NAALADL1: variants seen among roughly 807,000 people sequenced by gnomAD.
NAALADL1 encodes the protein aminopeptidase NAALADL1.
In NAALADL1, 77 loss-of-function variants were observed where a neutral mutation model predicts 82.8. The observed-to-expected ratio is 0.93, with a 90% confidence interval of 0.77 to 1.12. NAALADL1 has a LOEUF of 1.12. Ranked by LOEUF, NAALADL1 falls within the 50% of genes most tolerant of loss-of-function variation. The pLI is 0.00. For missense variants in NAALADL1, 956 were observed against 964.0 expected (o/e 0.99, Z 0.11); for synonymous variants, 358 against 399.2 (o/e 0.90, Z 1.23).
chr11:65,047,428 C>T (rs1259623782), intron 13 of NAALADL1, 47 bp downstream of exon 13: 2 of 1,478,768 alleles, frequency 1.4e-6, no homozygotes, highest in Non-Finnish European at 1.8e-6. Flanking sequence ...GAGGAGGGGG[C>T]GCATGCAGCA....
intron 4 of NAALADL1, among the ~76,000 whole-genome samples, chr11:65,055,666 G>C (rs2137026759): frequency 6.6e-6 from 1 of 152,234 alleles, no homozygotes; most frequent in Admixed American, 6.5e-5. Flanking sequence ...ATAGGGGCTG[G>C]GGCAGGGACC....
rs751202838 is a variant in NAALADL1 at position 65,054,860 on chromosome 11, G to A, written c.604-122C>T. On this transcript the variant is annotated intron_variant, in intron 4 of 17. Coordinates refer to ENST00000358658, the MANE Select transcript of NAALADL1 (RefSeq NM_005468.3). This position sits in a 1 kb window ranked among gnomAD's most constrained non-coding sequence, Gnocchi z 4.3. ...ACCAATCTTCCATGGGCAAGATGAC[G>A]TTTGCACAAGTCATTTATGGCAGTG... The A allele has an allele frequency of 1.2e-5, 15 of 1,278,988 alleles. No homozygotes were observed. The highest frequency in any genetic ancestry group is 5.2e-5 in the Admixed American group (2 of 38,728). The allele number at this position is 1,278,988 out of a possible 1,614,324, so 79.2% of individuals were successfully genotyped here.
chr11:65,048,058 G>A lies in NAALADL1; in HGVS notation c.1349-10C>T, dbSNP rs754363876. 1 of 1,613,904 alleles carries A rather than the reference G, an allele frequency of 6.2e-7. No homozygotes were observed. Among genetic ancestry groups the A allele is most frequent in the Non-Finnish European group, 8.5e-7 (1 of 1,179,950 alleles). On this transcript the variant is annotated splice_polypyrimidine_tract_variant and intron_variant, in intron 10 of 17. Transcript: ENST00000358658. ...CTAAGGGTAGCGTTGGCTGTGGGAG[G>A]AGGGGAGAAAGACTATTTGGGCCCC...
chr11:65,053,306 G>A lies in NAALADL1; in HGVS notation c.1110C>T (p.Asp370=). 2 of 1,563,154 alleles carry A rather than the reference G, an allele frequency of 1.3e-6. No individual in the cohort carries two copies. Among genetic ancestry groups the A allele is most frequent in the Non-Finnish European group, 1.7e-6 (2 of 1,154,080 alleles). The change falls in exon 8 of 18, where the codon GAC becomes GAT. Residue 370 remains aspartate, a synonymous_variant. Coordinates refer to ENST00000358658, the MANE Select transcript of NAALADL1 (RefSeq NM_005468.3). This position sits in a 1 kb window ranked among gnomAD's most constrained non-coding sequence, Gnocchi z 4.3. ...GGTCCACAGCCCCGTGCACCCAGCT[G>A]TCTCGGTGGTTCCCATACAGCACGT... is the stretch of plus-strand genomic sequence containing the variant. ...DRYVLYGNHR[D]SWVHGAVDPS...
At chr11:65,047,938 C>A in intron 11 of NAALADL1, 43 bp downstream of exon 11, 2 of 1,542,826 alleles carry the variant, frequency 1.3e-6, no homozygotes, top group South Asian at 2.4e-5. Context: ...CGCACGCGGC[C>A]CGCCCCAGCT....
At chr11:65,046,420 G>A (rs1946730945) in intron 14 of NAALADL1, 25 bp downstream of exon 14, 3 of 1,614,080 alleles carry the variant, frequency 1.9e-6, no homozygotes, top group African/African-American at 2.7e-5. Flanking sequence ...CCTGGTCTCA[G>A]GATGCCCCTT....
chr11:65,052,563 C>T (rs537965808), intron 8 of NAALADL1, among the ~76,000 whole-genome samples: 11 of 152,158 alleles, frequency 7.2e-5, no homozygotes. Context: ...CTGCCTGCCT[C>T]GGCCTCCCAG....
chr11:65,058,287 C>T, intron 1 of NAALADL1, 37 bp from the exon 2 acceptor site: 1 of 1,613,832 alleles, frequency 6.2e-7, no homozygotes, highest in Non-Finnish European at 8.5e-7. Flanking sequence ...GGGCCAGCAT[C>T]AGGGAGGGGG....
chr11:65,053,392 G>C lies in NAALADL1; in HGVS notation c.1079-55C>G. 1 of 1,611,996 alleles carries C rather than the reference G, an allele frequency of 6.2e-7. No individual in the cohort carries two copies. The highest frequency in any genetic ancestry group is 2.2e-5 in the East Asian group (1 of 44,832). Reference sequence around the variant, plus strand: ...GAGGAGAGGGAGAGGTGGGCAGGGGGAGCTGGGCTGGGTGGTGGCAAGGGC... The same window carrying C: ...GAGGAGAGGGAGAGGTGGGCAGGGGCAGCTGGGCTGGGTGGTGGCAAGGGC... On this transcript the variant is annotated intron_variant, in intron 7 of 17. Transcript: ENST00000358658. This position sits in a 1 kb window ranked among gnomAD's most constrained non-coding sequence, Gnocchi z 4.3.
intron 13 of NAALADL1, 133 bp downstream of exon 13, chr11:65,047,339 GTTT>G: frequency 1.5e-6 from 1 of 657,456 alleles, no homozygotes; most frequent in Non-Finnish European, 2.5e-6. Flanking sequence ...GTGTGTGTGT[GTTT>G]TTTTTTAAGA....
At chr11:65,055,641 G>A (rs1179403434) in intron 4 of NAALADL1, among the ~76,000 whole-genome samples, 5 of 152,144 alleles carry the variant, frequency 3.3e-5, no homozygotes, top group Non-Finnish European at 5.9e-5. Context: ...TAGAATTGAG[G>A]TTACAGAAAA....
intron 8 of NAALADL1, among the ~76,000 whole-genome samples, chr11:65,049,008 A>C (rs1946816206): frequency 6.6e-6 from 1 of 152,090 alleles, no homozygotes; most frequent in South Asian, 2.1e-4. Flanking sequence ...GGTTGCAGTG[A>C]GCTGAGATCG....
Position 65,054,309 on chromosome 11 carries a change from C to G in NAALADL1, c.933G>C (p.Leu311=). 1 of 1,614,092 alleles carries G rather than the reference C, an allele frequency of 6.2e-7. No homozygotes were observed. Among genetic ancestry groups the G allele is most frequent in the Non-Finnish European group, 8.5e-7 (1 of 1,180,004 alleles). The change falls in exon 6 of 18, where the codon CTG becomes CTC. Residue 311 remains leucine, a synonymous_variant. Transcript: ENST00000358658. The surrounding 1 kb of genome is among the most constrained non-coding windows in gnomAD (Gnocchi z 4.3). The part of the protein sequence containing the change: ...TLAPATWQGA[L]GCHYRLGPGF... ...CGGGACCCAACCTGTAGTGGCAGCCCAGTGCTCCCTGCCAGGTGGCTGGGG... is the reference window on the plus strand; with the variant it reads ...CGGGACCCAACCTGTAGTGGCAGCCGAGTGCTCCCTGCCAGGTGGCTGGGG...
At chr11:65,048,247 G>C (rs979554897) in intron 9 of NAALADL1, 32 bp from the exon 10 acceptor site, 2 of 1,613,900 alleles carry the variant, frequency 1.2e-6, no homozygotes, top group Non-Finnish European at 1.7e-6. Flanking sequence ...TCAGCCCCGC[G>C]CCGTTCTGTC....
chr11:65,047,848 T>TGCCCCAGCCTCAGTCCA, intron 11 of NAALADL1, 110 bp from the exon 12 acceptor site: 1 of 1,458,954 alleles, frequency 6.9e-7, no homozygotes, highest in Non-Finnish European at 9.3e-7. Flanking sequence ...TTACGAGGCT[T>TGCCCCAGCCTCAGTCCA]GCCCCAGCCT....
rs1947067180 is a variant in NAALADL1 at position 65,057,356 on chromosome 11, G to A, written c.603+15C>T. 6.3e-7 allele frequency: 1 copy of A among 1,598,352 alleles called. No individual in the cohort carries two copies. The highest frequency in any genetic ancestry group is 2.2e-5 in the East Asian group (1 of 44,564). Reference sequence around the variant, plus strand: ...TCCTCACCGAGGCCTCCTGCACTGGGGGACTGCCACTCACCTTGGCCCCAC... The same window carrying A: ...TCCTCACCGAGGCCTCCTGCACTGGAGGACTGCCACTCACCTTGGCCCCAC... On this transcript the variant is annotated intron_variant, in intron 4 of 17. Coordinates refer to ENST00000358658, the MANE Select transcript of NAALADL1 (RefSeq NM_005468.3).
In NAALADL1 at chr11:65,046,440, C is replaced by G; in HGVS notation, c.1681+5G>C. 6.2e-7 allele frequency: 1 copy of G among 1,614,196 alleles called. No individual in the cohort carries two copies. The highest frequency in any genetic ancestry group is 8.5e-7 in the Non-Finnish European group (1 of 1,180,034). On this transcript the variant is annotated splice_donor_5th_base_variant and intron_variant, in intron 14 of 17. Transcript: ENST00000358658. ...TCTCAGGATGCCCCTTGTCTCCCTC[C>G]TCACCCGGGTCCAAAAACTTGTCCA...
intron 8 of NAALADL1, among the ~76,000 whole-genome samples, chr11:65,051,761 G>C (rs1177802592): frequency 6.6e-6 from 1 of 152,056 alleles, no homozygotes; most frequent in Non-Finnish European, 1.5e-5. Flanking sequence ...TAGCACTCTG[G>C]GATATTATAT....
intron 8 of NAALADL1, 151 bp from the exon 9 acceptor site, chr11:65,048,536 G>C: frequency 1.2e-6 from 1 of 809,012 alleles, no homozygotes; most frequent in South Asian, 1.6e-5. Flanking sequence ...AGGCCTTCCA[G>C]GAGGCTCCCG....
Sources: allele counts gnomAD v4.1 joint callset (sites outside exome capture counted in the v4.1 genomes callset), GRCh38; gene constraint gnomAD v4.1.1; non-coding constraint Gnocchi (gnomAD v3.1); transcripts MANE v1.5; gene names NCBI Gene and HGNC (gene_info 2026-07-23, HGNC 2026-07-21).